Variants in HOOK3 observed in about 807,000 individuals in gnomAD.
HOOK3 encodes hook microtubule tethering protein 3.
In HOOK3, 24 loss-of-function variants were observed where a neutral mutation model predicts 116.3. The ratio of observed to expected loss-of-function variants is 0.21; its 90% confidence interval spans 0.15 to 0.29. HOOK3 has a LOEUF of 0.29. Ranked by LOEUF, HOOK3 falls within the 10% of genes least tolerant of loss-of-function variation. The pLI, the probability that HOOK3 is intolerant of heterozygous loss-of-function variation, is 1.00. For missense variants in HOOK3, 632 were observed against 830.2 expected (o/e 0.76, Z 2.93); for synonymous variants, 275 against 283.0 (o/e 0.97, Z 0.28).
intron 4 of HOOK3, among the ~76,000 whole-genome samples, chr8:42,932,621 C>T (rs1200639783): frequency 6.6e-6 from 1 of 152,076 alleles, no homozygotes; most frequent in Non-Finnish European, 1.5e-5. Context: ...ACTGGTGTTA[C>T]CTGTAGCCCC....
intron 13 of HOOK3, among the ~76,000 whole-genome samples, chr8:42,982,407 C>A (rs1808969875): frequency 6.6e-6 from 1 of 151,348 alleles, no homozygotes; most frequent in Admixed American, 6.6e-5. Context: ...GATGGTTACA[C>A]AACATTGTGA....
chr8:42,965,723 C>A (rs1808621430), intron 9 of HOOK3, among the ~76,000 whole-genome samples: 1 of 151,908 alleles, frequency 6.6e-6, no homozygotes, highest in Non-Finnish European at 1.5e-5. Context: ...TGTTATTCCT[C>A]AGTGAAATGT....
In HOOK3 at chr8:43,030,081, A is replaced by G. The variant is rs1810002189; in HGVS notation, c.*11583A>G. 4.7e-6 allele frequency: 1 copy of G among 211,244 alleles called. No homozygotes were observed. The allele number at this position is 211,244 out of a possible 1,614,324, so 13.1% of individuals were successfully genotyped here. A position where few individuals can be genotyped will look rare whatever the true frequency, so the allele number is the denominator to read the frequency against. ...GAACTTCTCACTTCAAAAATGAAAT[A>G]CAGATTTAGCAGTGTTGTACATAAT... On this transcript the variant is annotated 3_prime_UTR_variant, in exon 22 of 22. Transcript: ENST00000307602.
chr8:42,908,471 A>T (rs986289003), intron 2 of HOOK3, among the ~76,000 whole-genome samples: 2 of 152,254 alleles, frequency 1.3e-5, no homozygotes, highest in Non-Finnish European at 2.9e-5. Context: ...CACAATGACC[A>T]GTGGAACAGT....
chr8:43,014,978 C>G (rs1324152153), intron 21 of HOOK3, among the ~76,000 whole-genome samples: 1 of 151,584 alleles, frequency 6.6e-6, no homozygotes, highest in Non-Finnish European at 1.5e-5. Context: ...AAAACCCCGT[C>G]TCTACTAAAA....
rs538037370 is a variant in HOOK3, at chr8:42,904,897, C to G, written c.58-1276C>G. On this transcript the variant is annotated intron_variant, in intron 1 of 21. Coordinates refer to ENST00000307602, the MANE Select transcript of HOOK3 (RefSeq NM_032410.4). ...TGTTGACACTTCTATTATACTGTTT[C>G]ATTTTTCCTAGTTGTAAGTTCTATG... Among the ~76,000 whole-genome samples the G allele has an allele frequency of 2.0e-5, 3 of 152,276 alleles. No homozygotes were observed. In the South Asian group the frequency reaches 6.2e-4, roughly 32 times the overall value.
intron 21 of HOOK3, among the ~76,000 whole-genome samples, chr8:43,014,560 C>T (rs996541900): frequency 1.3e-5 from 2 of 151,750 alleles, no homozygotes; most frequent in African/African-American, 4.8e-5. Context: ...CCATATTGGC[C>T]AGGCTGGTCT....
At chr8:42,972,496 T>G (rs1413348841) in intron 11 of HOOK3, among the ~76,000 whole-genome samples, 1 of 152,120 alleles carries the variant, frequency 6.6e-6, no homozygotes, top group Non-Finnish European at 1.5e-5. Context: ...ACTGCAATCT[T>G]GAACTCCTGG....
chr8:42,950,291 A>G lies in HOOK3; in HGVS notation c.401-97A>G, dbSNP rs528747521. 179 of 786,136 alleles carry G rather than the reference A, an allele frequency of 2.3e-4. 1 individual carries two copies. The African/African-American group carries it at 2.8e-3, about 12-fold the overall frequency. 48.7% of individuals were successfully genotyped at this position (786,136 alleles called of 1,614,324 possible). ...GGATTCCTAGGAGGAATCAAAACAC[A>G]GGGAAATGACTTATAAGAATTTATG... On this transcript the variant is annotated intron_variant, in intron 5 of 21. Transcript: ENST00000307602.
At chr8:43,017,797 T>C (rs1445293942) in intron 21 of HOOK3, among the ~76,000 whole-genome samples, 3 of 152,186 alleles carry the variant, frequency 2.0e-5, no homozygotes, top group African/African-American at 7.2e-5. Context: ...ATCCTTCTCC[T>C]GTCTTCAAGA....
At chr8:42,962,976 A>G (rs1045999481) in intron 8 of HOOK3, among the ~76,000 whole-genome samples, 3 of 151,088 alleles carry the variant, frequency 2.0e-5, no homozygotes, top group Non-Finnish European at 3.0e-5. Flanking sequence ...TAATTTTTGT[A>G]TTTTTAGTAG....
chr8:43,023,970 G>T lies in HOOK3; in HGVS notation c.*5472G>T, dbSNP rs1401830065. ...TACTTTTAAAAATTCTCTTAACTCTGCATTTAGTCTCCTATTATCTAGATC... is the reference window on the plus strand; with the variant it reads ...TACTTTTAAAAATTCTCTTAACTCTTCATTTAGTCTCCTATTATCTAGATC... On this transcript the variant is annotated 3_prime_UTR_variant, in exon 22 of 22. Transcript: ENST00000307602. 5.0e-6 allele frequency: 1 copy of T among 200,726 alleles called. No homozygotes were observed. Among genetic ancestry groups the T allele is most frequent in the Admixed American group, 6.0e-5 (1 of 16,598 alleles). The allele number at this position is 200,726 out of a possible 1,614,324, so 12.4% of individuals were successfully genotyped here.
At chr8:42,941,544 G>A (rs1808126528) in intron 4 of HOOK3, among the ~76,000 whole-genome samples, 3 of 149,486 alleles carry the variant, frequency 2.0e-5, no homozygotes, top group Admixed American at 2.0e-4. Flanking sequence ...AAAAAAAGAG[G>A]CATGAGCCAC....
chr8:42,917,892 A>G (rs750090298), intron 2 of HOOK3, among the ~76,000 whole-genome samples: 1 of 152,204 alleles, frequency 6.6e-6, no homozygotes, highest in Non-Finnish European at 1.5e-5. Flanking sequence ...AAATTTTATC[A>G]TAGTCAACTC....
At position 43,020,635 on chromosome 8, in the gene HOOK3, A is replaced by G. The variant is rs1563316411; in HGVS notation, c.*2137A>G. The stretch of plus-strand genomic sequence containing the variant: ...AGGCTGAGGCAGGAGAGTCACTTGA[A>G]CTCAGGAGCCAGAGACTGCAGTGAG... On this transcript the variant is annotated 3_prime_UTR_variant, in exon 22 of 22. Coordinates refer to ENST00000307602, the MANE Select transcript of HOOK3 (RefSeq NM_032410.4). 1 of 174,118 alleles carries G rather than the reference A, an allele frequency of 5.7e-6. No individual in the cohort carries two copies. Among genetic ancestry groups the G allele is most frequent in the Non-Finnish European group, 1.2e-5 (1 of 80,902 alleles). The allele number at this position is 174,118 out of a possible 1,614,324, so 10.8% of individuals were successfully genotyped here.
At chr8:42,939,439 A>G (rs1808050322) in intron 4 of HOOK3, among the ~76,000 whole-genome samples, 2 of 140,956 alleles carry the variant, frequency 1.4e-5, no homozygotes, top group African/African-American at 2.7e-5. Context: ...CTGGCCGGGC[A>G]GAGGGGCTCC....
chr8:42,919,266 CG>C (rs1374524451), intron 2 of HOOK3, among the ~76,000 whole-genome samples: 2 of 145,700 alleles, frequency 1.4e-5, no homozygotes, highest in African/African-American at 5.2e-5. Context: ...ACTTCTCAGA[CG>C]GGGCGGCCAG....
chr8:42,955,741 T>A (rs1465754097), intron 6 of HOOK3, among the ~76,000 whole-genome samples: 1 of 152,098 alleles, frequency 6.6e-6, no homozygotes, highest in Non-Finnish European at 1.5e-5. Context: ...CTTCCTGATG[T>A]TGAGGAACAG....
intron 2 of HOOK3, among the ~76,000 whole-genome samples, chr8:42,914,963 T>C (rs1377309827): frequency 6.6e-6 from 1 of 152,140 alleles, no homozygotes; most frequent in East Asian, 1.9e-4. Flanking sequence ...CATTTGAGTT[T>C]CAGTATGGCA....
Sources: allele counts gnomAD v4.1 joint callset (sites outside exome capture counted in the v4.1 genomes callset), GRCh38; gene constraint gnomAD v4.1.1; transcripts MANE v1.5; gene names NCBI Gene and HGNC (gene_info 2026-07-23, HGNC 2026-07-21).